Variants in GPRC5A observed in about 807,000 individuals in gnomAD.
GPRC5A encodes G protein-coupled receptor class C group 5 member A, also known as retinoic acid-induced protein 3.
GPRC5A carries 19 observed loss-of-function variants against 22.5 expected under a neutral mutation model. The ratio of observed to expected loss-of-function variants is 0.85; its 90% CI spans 0.59 to 1.24. GPRC5A has a LOEUF of 1.24. GPRC5A is among the 50% of genes most tolerant of loss of function. The pLI is 0.00. For synonymous variants in GPRC5A, 192 were observed against 184.5 expected, an observed-to-expected ratio of 1.04 and a Z score of -0.33; for missense variants, 471 against 451.1, an observed-to-expected ratio of 1.04 and a Z score of -0.40.
intron 1 of GPRC5A, among the ~76,000 whole-genome samples, chr12:12,893,713 C>G (rs917623495): frequency 6.6e-6 from 1 of 152,120 alleles, no homozygotes; most frequent in African/African-American, 2.4e-5. Flanking sequence ...GGCCTATAGC[C>G]TCTTTCTGTA....
In GPRC5A at chr12:12,909,111, C is replaced by T. The variant is rs148641647; in HGVS notation, c.862C>T (p.Leu288Phe). 5 of 1,601,152 alleles carry T rather than the reference C, an allele frequency of 3.1e-6. No homozygotes were observed. The Admixed American group carries it at 5.0e-5, about 16-fold the overall frequency. ...TGAGGATGCTTTCTGTAAACCTCAA[C>T]TCGTGAAGAAGAGCTATGGTGTGGA... ...PVEDAFCKPQ[L>F]VKKSYGVENR... The change falls in exon 2 of 4, where the codon CTC (leucine) becomes TTC (phenylalanine). Residue 288 changes from leucine to phenylalanine, a missense_variant. Transcript: ENST00000014914.
intron 1 of GPRC5A, among the ~76,000 whole-genome samples, chr12:12,902,321 A>G (rs1264752931): frequency 6.6e-6 from 1 of 151,760 alleles, no homozygotes; most frequent in Non-Finnish European, 1.5e-5. Flanking sequence ...TTAGTCATCC[A>G]GATTAAAAAA....
rs1864021910 is a variant in GPRC5A, at chr12:12,912,817, C to T, written c.*278C>T. 4 of 395,454 alleles carry T rather than the reference C, an allele frequency of 1.0e-5. No homozygotes were observed. Among genetic ancestry groups the T allele is most frequent in the Non-Finnish European group, 1.8e-5 (4 of 222,834 alleles). 24.5% of individuals were successfully genotyped at this position (395,454 alleles called of 1,614,324 possible). A position where few individuals can be genotyped will look rare whatever the true frequency, so the allele number is the denominator to read the frequency against. ...GTCTCAGGCAACTCAAGTTTAGACC[C>T]TTACTCTTTTTGTTTGTTTTTTGAA... is the stretch of plus-strand genomic sequence containing the variant. On this transcript the variant is annotated 3_prime_UTR_variant, in exon 4 of 4. Transcript: ENST00000014914.
At chr12:12,897,286 A>C (rs963323117) in intron 1 of GPRC5A, among the ~76,000 whole-genome samples, 2 of 151,934 alleles carry the variant, frequency 1.3e-5, no homozygotes, top group Non-Finnish European at 2.9e-5. Flanking sequence ...ATAATTTAAA[A>C]AACTCATGAT....
At position 12,914,764 on chromosome 12, in the gene GPRC5A, CG is replaced by C. The variant is rs886700639; in HGVS notation, c.*2226del. On this transcript the variant is annotated 3_prime_UTR_variant, in exon 4 of 4. Coordinates refer to ENST00000014914, the MANE Select transcript of GPRC5A (RefSeq NM_003979.4). ...CTGAGTAGCTGGGATTACAGGCGTG[CG>C]TGCGCCACCACGCCTGGCTAATTTT... 1 of 151,176 alleles carries C rather than the reference CG, an allele frequency of 6.6e-6. No homozygotes were observed. Among genetic ancestry groups the C allele is most frequent in the African/African-American group, 2.4e-5 (1 of 41,016 alleles). The allele number at this position is 151,176 out of a possible 1,614,324, so 9.4% of individuals were successfully genotyped here. A position where few individuals can be genotyped will look rare whatever the true frequency, so the allele number is the denominator to read the frequency against.
chr12:12,905,813 G>A (rs1322197786), intron 1 of GPRC5A, among the ~76,000 whole-genome samples: 1 of 152,154 alleles, frequency 6.6e-6, no homozygotes, highest in Admixed American at 6.5e-5. Context: ...TCCTGACAAA[G>A]GACAGATATA....
chr12:12,894,332 C>A (rs1185213386), intron 1 of GPRC5A, among the ~76,000 whole-genome samples: 1 of 152,194 alleles, frequency 6.6e-6, no homozygotes, highest in East Asian at 1.9e-4. Context: ...TATATTTTAT[C>A]TGCCAAGGAC....
At position 12,914,350 on chromosome 12, in the gene GPRC5A, C is replaced by CAAAGG. The variant is rs1864035936; in HGVS notation, c.*1811_*1812insAAAGG. On this transcript the variant is annotated 3_prime_UTR_variant, in exon 4 of 4. Coordinates refer to ENST00000014914, the MANE Select transcript of GPRC5A (RefSeq NM_003979.4). The stretch of plus-strand genomic sequence containing the variant: ...TGGTAGGCTTCGCGCTAAGATTAGC[C>CAAAGG]TGGCTTTGTACTGAAAAGGGGGAAG... 6.6e-6 allele frequency: 1 copy of CAAAGG among 152,526 alleles called. No individual in the cohort carries two copies. The highest frequency in any genetic ancestry group is 1.5e-5 in the Non-Finnish European group (1 of 68,056). The allele number at this position is 152,526 out of a possible 1,614,324, so 9.4% of individuals were successfully genotyped here.
intron 1 of GPRC5A, among the ~76,000 whole-genome samples, chr12:12,897,407 ATGAGAAGACC>A (rs56838230): frequency 0.11 from 16,939 of 151,972 alleles, 1,159 homozygotes; most frequent in South Asian, 0.21. Flanking sequence ...GGCAAAGAGC[ATGAGAAGACC>A]TTAAATGAAC....
intron 1 of GPRC5A, among the ~76,000 whole-genome samples, chr12:12,904,968 T>C (rs1322900118): frequency 1.4e-5 from 2 of 147,558 alleles, no homozygotes; most frequent in African/African-American, 5.0e-5. Context: ...TCACTGCACC[T>C]CTGCCTCCCG....
chr12:12,902,363 A>G (rs1388133416), intron 1 of GPRC5A, among the ~76,000 whole-genome samples: 1 of 151,376 alleles, frequency 6.6e-6, no homozygotes, highest in Non-Finnish European at 1.5e-5. Flanking sequence ...TTTTTTAAAG[A>G]CATTTGTGAG....
At chr12:12,905,004 C>G (rs758068268) in intron 1 of GPRC5A, among the ~76,000 whole-genome samples, 1 of 151,812 alleles carries the variant, frequency 6.6e-6, no homozygotes, top group African/African-American at 2.4e-5. Context: ...TCTGCCTCAG[C>G]CTCCCGAGTA....
In GPRC5A at chr12:12,900,821, T is replaced by C. The variant is rs535470680; in HGVS notation, c.-7-7422T>C. The stretch of plus-strand genomic sequence containing the variant: ...AGGAGAATCACTTGAACCTGGGAGA[T>C]GGTGGTTGCAGTGAGCTGAGATCAT... On this transcript the variant is annotated intron_variant, in intron 1 of 3. Transcript: ENST00000014914. Among the ~76,000 whole-genome samples the C allele has an allele frequency of 9.2e-5, 12 of 130,352 alleles. No individual in the cohort carries two copies. The South Asian group carries it at 2.2e-3, about 24-fold the overall frequency. 85.5% of individuals were successfully genotyped at this position (130,352 alleles called of 152,430 possible). A position where few individuals can be genotyped will look rare whatever the true frequency, so the allele number is the denominator to read the frequency against.
At chr12:12,911,778 A>G (rs922973154) in intron 2 of GPRC5A, among the ~76,000 whole-genome samples, 5 of 152,272 alleles carry the variant, frequency 3.3e-5, no homozygotes, top group South Asian at 2.1e-4. Context: ...GTGAGCCACC[A>G]TGCCCAGCCC....
chr12:12,904,955 C>T lies in GPRC5A; in HGVS notation c.-7-3288C>T, dbSNP rs149077273. 8.6e-3 allele frequency among the ~76,000 whole-genome samples: 1,294 copies of T among 150,028 alleles called. 24 individuals carry two copies. Among genetic ancestry groups the T allele is most frequent in the African/African-American group, 0.03 (1,233 of 40,730 alleles). On this transcript the variant is annotated intron_variant, in intron 1 of 3. Coordinates refer to ENST00000014914, the MANE Select transcript of GPRC5A (RefSeq NM_003979.4). ...GCCTGGAGTGCAGTGGCATGATCCC[C>T]GCTCACTGCACCTCTGCCTCCCGGG...
chr12:12,912,150 A>ATT lies in GPRC5A; in HGVS notation c.981+14_981+15dup. 1 of 1,596,862 alleles carries ATT rather than the reference A, an allele frequency of 6.3e-7. No individual in the cohort carries two copies. The highest frequency in any genetic ancestry group is 8.6e-7 in the Non-Finnish European group (1 of 1,164,404). On this transcript the variant is annotated intron_variant, in intron 3 of 3. Transcript: ENST00000014914. ...ACACATTTTCAGCTGCAGGTAAGTG[A>ATT]TTTTTTTCTCCCTCTTCATCAAAGG...
chr12:12,909,179 T>C lies in GPRC5A; in HGVS notation c.922+8T>C, dbSNP rs1255521999. On this transcript the variant is annotated splice_region_variant and intron_variant, in intron 2 of 3. Coordinates refer to ENST00000014914, the MANE Select transcript of GPRC5A (RefSeq NM_003979.4). ...AAGAGGAAATCACTCAAGGTACAGA[T>C]GCAGCCTGGCTAGGCAGAGAATCCC... is the stretch of plus-strand genomic sequence containing the variant. The C allele has an allele frequency of 6.4e-7, 1 of 1,553,422 alleles. No individual in the cohort carries two copies. Among genetic ancestry groups the C allele is most frequent in the Admixed American group, 1.8e-5 (1 of 56,124 alleles).
rs1445917149 is a variant in GPRC5A at position 12,908,771 on chromosome 12, T to G, written c.522T>G (p.Asn174Lys). ...VFSELSAPRR[N>K]EDFVLLLTYV... ...CTGAGCTTTCCGCTCCTCGTCGCAA[T>G]GAAGACTTTGTCCTCCTGCTCACCT... Residue 174 changes from asparagine (N) to lysine (K), a missense_variant, in exon 2 of 4, where the codon AAT (asparagine) becomes AAG (lysine). Physicochemically the swap from Asn to Lys is moderately conservative, Grantham distance 94. Transcript: ENST00000014914. 1 of 1,614,248 alleles carries G rather than the reference T, an allele frequency of 6.2e-7. No individual in the cohort carries two copies. Among genetic ancestry groups the G allele is most frequent in the Non-Finnish European group, 8.5e-7 (1 of 1,180,054 alleles).
At chr12:12,910,281 G>A (rs1249494814) in intron 2 of GPRC5A, among the ~76,000 whole-genome samples, 3 of 152,158 alleles carry the variant, frequency 2.0e-5, no homozygotes, top group African/African-American at 7.2e-5. Flanking sequence ...GCACTTGGAA[G>A]TCTGAAGGGA....
Sources: allele counts gnomAD v4.1 joint callset (sites outside exome capture counted in the v4.1 genomes callset), GRCh38; gene constraint gnomAD v4.1.1; transcripts MANE v1.5; gene names NCBI Gene and HGNC (gene_info 2026-07-23, HGNC 2026-07-21).